MTSS2: variants seen among roughly 807,000 people sequenced by gnomAD.
MTSS2 encodes the protein protein MTSS 2.
A neutral mutation model predicts 67.1 loss-of-function variants in MTSS2; 27 were observed. That is an observed-to-expected ratio of 0.40 (90% CI 0.30 to 0.55). The LOEUF is 0.55. MTSS2 is among the 20% of genes least tolerant of loss of function. The pLI is 0.43. For synonymous variants in MTSS2, 624 were observed against 468.6 expected, an observed-to-expected ratio of 1.33 and a Z score of -4.28; for missense variants, 1,171 against 1,067.8, an observed-to-expected ratio of 1.10 and a Z score of -1.35.
chr16:70,663,736 G>T lies in MTSS2; in HGVS notation c.2185C>A (p.Arg729Ser). 1 of 1,576,648 alleles carries T rather than the reference G, an allele frequency of 6.3e-7. No homozygotes were observed. ...PAEDMLVAIRRGVRLRRTVTN... is the reference protein window; with the variant it reads ...PAEDMLVAIRSGVRLRRTVTN... ...ACGGTCCTGCGGAGCCGGACCCCAC[G>T]CCGGATGGCCACCAGCATGTCTTCG... Residue 729 changes from arginine to serine, a missense_variant, in exon 15 of 15, where the codon CGT (arginine) becomes AGT (serine). Arg to Ser is a moderately radical substitution (Grantham distance 110). This residue lies in a region of MTSS2 where 924 missense variants were observed against 756.0 expected (regional missense o/e 1.22). Coordinates refer to ENST00000338779, the MANE Select transcript of MTSS2 (RefSeq NM_138383.3).
At position 70,664,761 on chromosome 16, in the gene MTSS2, G is replaced by A. The variant is rs139138667; in HGVS notation, c.1308C>T (p.His436=). 39 of 1,608,916 alleles carry A rather than the reference G, an allele frequency of 2.4e-5. No individual in the cohort carries two copies. Among genetic ancestry groups the A allele is most frequent in the South Asian group, 1.0e-4 (9 of 90,256 alleles). The change falls in exon 14 of 15, where the codon CAC becomes CAT. Residue 436 remains histidine (H), a splice_region_variant and synonymous_variant. Transcript: ENST00000338779. ...TGGCGGCGGGGGACACCTCCTCACC[G>A]TGCTGAGGGTGGGAAAGTGCAGGCT... ...RMSPATIAAK[H]GEEVSPAASD... is the part of the protein sequence containing the mutation.
At chr16:70,674,247 T>C (rs1049555025) in intron 11 of MTSS2, 59 bp downstream of exon 11, 3 of 1,526,722 alleles carry the variant, frequency 2.0e-6, no homozygotes, top group Non-Finnish European at 1.8e-6. Context: ...GTGGCTTGCC[T>C]GATGCTGGCA....
intron 2 of MTSS2, 30 bp downstream of exon 2, chr16:70,680,934 C>A: frequency 6.3e-7 from 1 of 1,584,370 alleles, no homozygotes; most frequent in African/African-American, 1.3e-5. Context: ...GCCTGCCCCT[C>A]CCCTGCTGGG....
At chr16:70,669,213 TA>T (rs1416277914) in intron 11 of MTSS2, among the ~76,000 whole-genome samples, 1 of 151,930 alleles carries the variant, frequency 6.6e-6, no homozygotes, top group African/African-American at 2.4e-5. Context: ...AGACCCCCAT[TA>T]AGACAATAAA....
At chr16:70,684,797 C>A (rs1038592112) in intron 1 of MTSS2, among the ~76,000 whole-genome samples, 1 of 152,232 alleles carries the variant, frequency 6.6e-6, no homozygotes, top group African/African-American at 2.4e-5. Flanking sequence ...TGGGCCCTCT[C>A]TGCCTAGTCA....
rs1260713994 is a variant in MTSS2, at chr16:70,662,191, T to C, written c.*1486A>G. ...GAGGCTCAGACCCAGCTCCATTCTATCAATCAATCAATCAATCATCAAGAC... is the reference window on the plus strand; with the variant it reads ...GAGGCTCAGACCCAGCTCCATTCTACCAATCAATCAATCAATCATCAAGAC... On this transcript the variant is annotated 3_prime_UTR_variant, in exon 15 of 15. Coordinates refer to ENST00000338779, the MANE Select transcript of MTSS2 (RefSeq NM_138383.3). 2.0e-5 allele frequency: 1 copy of C among 49,162 alleles called. No individual in the cohort carries two copies. Among genetic ancestry groups the C allele is most frequent in the Non-Finnish European group, 8.7e-5 (1 of 11,546 alleles). The allele number at this position is 49,162 out of a possible 1,614,324, so 3.0% of individuals were successfully genotyped here.
At chr16:70,684,505 C>T (rs1180228689) in intron 1 of MTSS2, among the ~76,000 whole-genome samples, 1 of 152,218 alleles carries the variant, frequency 6.6e-6, no homozygotes, top group East Asian at 1.9e-4. Flanking sequence ...GAGCCTCGAA[C>T]TCCAACCTGC....
rs767746816 is a variant in MTSS2, at chr16:70,679,953, C to T, written c.290+18G>A. 32 of 1,479,262 alleles carry T rather than the reference C, an allele frequency of 2.2e-5. 1 individual carries two copies. The highest frequency in any genetic ancestry group is 2.5e-5 in the Non-Finnish European group (28 of 1,120,672). 91.6% of individuals were successfully genotyped at this position (1,479,262 alleles called of 1,614,324 possible). A position where few individuals can be genotyped will look rare whatever the true frequency, so the allele number is the denominator to read the frequency against. On this transcript the variant is annotated intron_variant, in intron 4 of 14. Coordinates refer to ENST00000338779, the MANE Select transcript of MTSS2 (RefSeq NM_138383.3). The stretch of plus-strand genomic sequence containing the variant: ...CCCCGTCCCCCCGCCCCCCTGCCCG[C>T]CCGCAGCGCCCACTCACTTGGTGAA...
Position 70,680,799 on chromosome 16 carries a change from G to A in MTSS2, c.200C>T (p.Thr67Ile). The A allele has an allele frequency of 6.4e-7, 1 of 1,552,668 alleles. No individual in the cohort carries two copies. Among genetic ancestry groups the A allele is most frequent in the South Asian group, 1.2e-5 (1 of 84,228 alleles). Residue 67 changes from threonine (T) to isoleucine (I), a missense_variant, in exon 3 of 15, where the codon ACC (threonine) becomes ATC (isoleucine). By Grantham distance (89) the Thr-to-Ile change is moderately conservative. Around this residue, in one of 2 missense-constraint regions of MTSS2, gnomAD observed 247 missense variants for 311.8 expected, o/e 0.79. Coordinates refer to ENST00000338779, the MANE Select transcript of MTSS2 (RefSeq NM_138383.3). Reference sequence around the variant, plus strand: ...CCAGCCACGCGCCTCCCCACCTCGGGTGTTGGTAGCCATGTCAGCCACTTT... The same window carrying A: ...CCAGCCACGCGCCTCCCCACCTCGGATGTTGGTAGCCATGTCAGCCACTTT... ...FQKVADMATN[T>I]RGATRDIGSA...
chr16:70,661,542 G>A lies in MTSS2; in HGVS notation c.*2135C>T, dbSNP rs933607296. On this transcript the variant is annotated 3_prime_UTR_variant, in exon 15 of 15. Coordinates refer to ENST00000338779, the MANE Select transcript of MTSS2 (RefSeq NM_138383.3). ...GTACAAAATGAGAAATTAAACGAAC[G>A]TAAAGTCCCCCAAACCAAAGTTTGT... The A allele has an allele frequency of 2.6e-5, 9 of 351,268 alleles. No homozygotes were observed. The highest frequency in any genetic ancestry group is 8.6e-5 in the South Asian group (4 of 46,560). 21.8% of individuals were successfully genotyped at this position (351,268 alleles called of 1,614,324 possible). A position where few individuals can be genotyped will look rare whatever the true frequency, so the allele number is the denominator to read the frequency against.
intron 11 of MTSS2, among the ~76,000 whole-genome samples, chr16:70,674,010 G>A (rs908019585): frequency 6.6e-6 from 1 of 152,156 alleles, no homozygotes; most frequent in Non-Finnish European, 1.5e-5. Context: ...TAAATACAAA[G>A]GGGCTAAAAA....
intron 1 of MTSS2, among the ~76,000 whole-genome samples, chr16:70,681,450 C>T (rs2053303100): frequency 6.6e-6 from 1 of 152,356 alleles, no homozygotes; most frequent in East Asian, 1.9e-4. Context: ...GACCTGCCCA[C>T]CAGGGGCAGA....
At position 70,663,452 on chromosome 16, in the gene MTSS2, C is replaced by A. The variant is rs147416567; in HGVS notation, c.*225G>T. On this transcript the variant is annotated 3_prime_UTR_variant, in exon 15 of 15. Transcript: ENST00000338779. ...GGACCGAAGAGCATAAAACAGACCC[C>A]GAACCAGGCCCAGGCCTGCAGGCTC... The A allele has an allele frequency of 2.5e-6, 2 of 797,226 alleles. No homozygotes were observed. Among genetic ancestry groups the A allele is most frequent in the East Asian group, 3.0e-5 (1 of 33,370 alleles). The allele number at this position is 797,226 out of a possible 1,614,324, so 49.4% of individuals were successfully genotyped here.
At chr16:70,683,887 G>T (rs552604348) in intron 1 of MTSS2, among the ~76,000 whole-genome samples, 2 of 152,336 alleles carry the variant, frequency 1.3e-5, no homozygotes, top group Admixed American at 1.3e-4. Context: ...CTCTGCCCCT[G>T]GTCATGGCCC....
chr16:70,663,813 G>A lies in MTSS2; in HGVS notation c.2108C>T (p.Pro703Leu). The A allele has an allele frequency of 6.5e-7, 1 of 1,532,070 alleles. No homozygotes were observed. Among genetic ancestry groups the A allele is most frequent in the Non-Finnish European group, 8.8e-7 (1 of 1,142,348 alleles). The allele number at this position is 1,532,070 out of a possible 1,614,324, so 94.9% of individuals were successfully genotyped here. ...GGGTGGGGTGGGCGTCTCCTCCGTG[G>A]GGGTGGCCGACAGAGCAGTGGGGAA... The part of the protein sequence containing the change: ...FPFPTALSAT[P>L]TEETPTPPPA... The change falls in exon 15 of 15, where the codon CCC (proline) becomes CTC (leucine). Residue 703 changes from proline (P) to leucine (L), a missense_variant. Around this residue, in one of 2 missense-constraint regions of MTSS2, gnomAD observed 924 missense variants for 756.0 expected, o/e 1.22. Transcript: ENST00000338779.
rs1733971487 is a variant in MTSS2, at chr16:70,686,006, G to T, written c.-215C>A. On this transcript the variant is annotated 5_prime_UTR_variant, in exon 1 of 15. Coordinates refer to ENST00000338779, the MANE Select transcript of MTSS2 (RefSeq NM_138383.3). ...TCGCAGCGGGGCTGGCGGGCGGCGCGGGGGGCGCGGCGCGGGCAGCTCGCG... is the reference window on the plus strand; with the variant it reads ...TCGCAGCGGGGCTGGCGGGCGGCGCTGGGGGCGCGGCGCGGGCAGCTCGCG... 6.8e-6 allele frequency: 1 copy of T among 147,432 alleles called. No individual in the cohort carries two copies. Among genetic ancestry groups the T allele is most frequent in the African/African-American group, 2.5e-5 (1 of 40,616 alleles). 9.1% of individuals were successfully genotyped at this position (147,432 alleles called of 1,614,324 possible).
Position 70,679,711 on chromosome 16 carries a change from A to G in MTSS2, c.383-7T>C. 6.2e-7 allele frequency: 1 copy of G among 1,611,216 alleles called. No homozygotes were observed. The highest frequency in any genetic ancestry group is 8.5e-7 in the Non-Finnish European group (1 of 1,178,846). ...TGCCGGGCTCGTTTGTACTCTGCAG[A>G]AGGGGAGAGCGGAGCGCTCTAATGG... On this transcript the variant is annotated splice_polypyrimidine_tract_variant and splice_region_variant and intron_variant, in intron 5 of 14. Transcript: ENST00000338779.
chr16:70,664,136 C>T lies in MTSS2; in HGVS notation c.1785G>A (p.Thr595=), dbSNP rs767787186. ...PIRPPIVPVK[T]PTVPDSPGYM... is the part of the protein sequence containing the mutation. Reference sequence around the variant, plus strand: ...AGCCGGGGGAGTCAGGCACCGTGGGCGTCTTCACAGGGACGATGGGCGGCC... The same window carrying T: ...AGCCGGGGGAGTCAGGCACCGTGGGTGTCTTCACAGGGACGATGGGCGGCC... Residue 595 remains threonine, a synonymous_variant, in exon 15 of 15, where the codon ACG becomes ACA. Coordinates refer to ENST00000338779, the MANE Select transcript of MTSS2 (RefSeq NM_138383.3). 17 of 1,610,002 alleles carry T rather than the reference C, an allele frequency of 1.1e-5. No individual in the cohort carries two copies. Among genetic ancestry groups the T allele is most frequent in the East Asian group, 6.7e-5 (3 of 44,856 alleles).
At chr16:70,668,414 A>AAC (rs2052802052) in intron 11 of MTSS2, among the ~76,000 whole-genome samples, 1 of 152,062 alleles carries the variant, frequency 6.6e-6, no homozygotes, top group Non-Finnish European at 1.5e-5. Flanking sequence ...TCAAAAAAAA[A>AAC]AAAGACTTTT....
Sources: allele counts gnomAD v4.1 joint callset (sites outside exome capture counted in the v4.1 genomes callset), GRCh38; gene constraint gnomAD v4.1.1; regional missense constraint gnomAD v4.1.1; transcripts MANE v1.5; gene names NCBI Gene and HGNC (gene_info 2026-07-23, HGNC 2026-07-21).